The following DOCK8 variants were observed in gnomAD, a reference collection of about 807,000 sequenced individuals.
DOCK8 encodes dedicator of cytokinesis protein 8.
A neutral mutation model predicts 245.6 loss-of-function variants in DOCK8; 141 were observed. The ratio of observed to expected loss-of-function variants is 0.57; its 90% CI spans 0.50 to 0.66. The LOEUF is 0.66. Among genes scored for constraint, DOCK8 ranks in the 30% least tolerant of loss-of-function variants. DOCK8 has a pLI of 0.00. For synonymous variants in DOCK8, 1,168 were observed against 970.2 expected, an observed-to-expected ratio of 1.20 and a Z score of -3.79; for missense variants, 2,965 against 2,603.4, an observed-to-expected ratio of 1.14 and a Z score of -3.02.
chr9:392,037 C>G (rs1564000887), intron 24 of DOCK8, among the ~76,000 whole-genome samples: 1 of 150,846 alleles, frequency 6.6e-6, no homozygotes, highest in Non-Finnish European at 1.5e-5. Flanking sequence ...ACTCAGGAGG[C>G]TGAGGCAGGA....
chr9:292,755 ATTAT>A (rs1487043317), intron 4 of DOCK8, among the ~76,000 whole-genome samples: 1 of 152,122 alleles, frequency 6.6e-6, no homozygotes, highest in East Asian at 1.9e-4. Context: ...AACATTCAGA[ATTAT>A]TTATGTCATT....
At chr9:317,315 T>G (rs901514395) in intron 7 of DOCK8, among the ~76,000 whole-genome samples, 187 bp downstream of exon 7, 1 of 152,190 alleles carries the variant, frequency 6.6e-6, no homozygotes, top group Non-Finnish European at 1.5e-5. Flanking sequence ...TACCAACTTC[T>G]TGATGGTCAT....
intron 1 of DOCK8, among the ~76,000 whole-genome samples, chr9:224,760 A>G (rs1001112183): frequency 5.3e-5 from 8 of 152,088 alleles, no homozygotes; most frequent in Non-Finnish European, 1.0e-4. Context: ...GAGCTCCCTA[A>G]GGGGTACTAG....
At position 399,138 on chromosome 9, in the gene DOCK8, T is replaced by C; in HGVS notation, c.3121-8T>C. ...ACAAAATGATTTGGGTGTTTGTTTG[T>C]TTTTAAGGAAAATGAACAGGCGGAA... On this transcript the variant is annotated splice_polypyrimidine_tract_variant and splice_region_variant and intron_variant, in intron 25 of 47. Transcript: ENST00000432829. The C allele has an allele frequency of 1.2e-6, 2 of 1,613,590 alleles. No homozygotes were observed. Among genetic ancestry groups the C allele is most frequent in the Non-Finnish European group, 1.7e-6 (2 of 1,179,710 alleles).
At chr9:351,316 C>T (rs1206420615) in intron 14 of DOCK8, among the ~76,000 whole-genome samples, 4 of 152,154 alleles carry the variant, frequency 2.6e-5, no homozygotes, top group Non-Finnish European at 2.9e-5. Flanking sequence ...TAGAGTGGCA[C>T]CCTGGTCTTG....
In DOCK8 at chr9:336,702, G is replaced by A. The variant is rs376713152; in HGVS notation, c.1406G>A (p.Ser469Asn). 1.2e-6 allele frequency: 2 copies of A among 1,613,898 alleles called. No homozygotes were observed. The highest frequency in any genetic ancestry group is 2.2e-5 in the East Asian group (1 of 44,886). The change falls in exon 12 of 48, where the codon AGC becomes AAC. Residue 469 changes from serine (S) to asparagine (N), a missense_variant. Ser to Asn is a conservative substitution (Grantham distance 46). Coordinates refer to ENST00000432829, the MANE Select transcript of DOCK8 (RefSeq NM_203447.4). ...TTCAAAACCTCCACTCTGAGCGTTAGCAGCTTTTTCAAGCAGGTATCTCTT... is the reference window on the plus strand; with the variant it reads ...TTCAAAACCTCCACTCTGAGCGTTAACAGCTTTTTCAAGCAGGTATCTCTT... ...SNFKTSTLSV[S>N]SFFKQEGDRL...
At chr9:385,491 C>G (rs942980289) in intron 22 of DOCK8, among the ~76,000 whole-genome samples, 4 of 152,196 alleles carry the variant, frequency 2.6e-5, no homozygotes, top group Non-Finnish European at 4.4e-5. Context: ...AATAATTTCA[C>G]TATATGCTAC....
chr9:362,808 C>A (rs1563965444), intron 14 of DOCK8, among the ~76,000 whole-genome samples: 2 of 152,190 alleles, frequency 1.3e-5, no homozygotes, highest in Admixed American at 6.5e-5. Context: ...CTGTTCGTTT[C>A]CTTGCACCAG....
intron 4 of DOCK8, among the ~76,000 whole-genome samples, chr9:298,945 A>T (rs570688617): frequency 5.9e-5 from 9 of 151,646 alleles, no homozygotes; most frequent in African/African-American, 2.2e-4. Flanking sequence ...GGGAAATTTG[A>T]ATTTTAATTA....
chr9:320,021 G>A (rs2050517649), intron 7 of DOCK8, among the ~76,000 whole-genome samples: 2 of 152,180 alleles, frequency 1.3e-5, no homozygotes, highest in South Asian at 2.1e-4. Flanking sequence ...TCTCAGGTGG[G>A]ATCAAGAAAC....
upstream of DOCK8, chr9:214,268 C>T: frequency 2.0e-6 from 1 of 505,864 alleles, no homozygotes. Flanking sequence ...GCAAGAACGC[C>T]GCCTTCAGTG....
In DOCK8 at chr9:279,023, C is replaced by T. The variant is rs917836220; in HGVS notation, c.156+7294C>T. 2.6e-5 allele frequency among the ~76,000 whole-genome samples: 4 copies of T among 152,040 alleles called. No homozygotes were observed. In the East Asian group the frequency reaches 5.8e-4, roughly 22 times the overall value. ...AGGAAAGCAATACCGGTGCTTTGGA[C>T]GAGGGTGGTGGCAGAAGAGAAAGTG... On this transcript the variant is annotated intron_variant, in intron 2 of 47. Coordinates refer to ENST00000432829, the MANE Select transcript of DOCK8 (RefSeq NM_203447.4).
intron 14 of DOCK8, among the ~76,000 whole-genome samples, chr9:342,535 T>C (rs570008668): frequency 2.1e-4 from 32 of 152,082 alleles, no homozygotes; most frequent in African/African-American, 7.5e-4. Context: ...AGTGACATGA[T>C]CTCGGTTCAC....
At chr9:413,391 GA>G (rs1183341329) in intron 28 of DOCK8, among the ~76,000 whole-genome samples, 1 of 151,530 alleles carries the variant, frequency 6.6e-6, no homozygotes, top group Non-Finnish European at 1.5e-5. Flanking sequence ...TGAGTAACAA[GA>G]AAAAAATAGA....
At chr9:440,030 TTTTTTTGA>T (rs900670044) in intron 40 of DOCK8, among the ~76,000 whole-genome samples, 9 of 152,072 alleles carry the variant, frequency 5.9e-5, no homozygotes, top group African/African-American at 2.2e-4. Flanking sequence ...TTTTCTTTTC[TTTTTTTGA>T]GACAGAGTCT....
At chr9:436,122 A>G (rs1564066993) in intron 39 of DOCK8, among the ~76,000 whole-genome samples, 1 of 152,248 alleles carries the variant, frequency 6.6e-6, no homozygotes, top group Non-Finnish European at 1.5e-5. Flanking sequence ...TGGTGCAGCC[A>G]AGAGCTTCTG....
chr9:436,261 G>T (rs1284586818), intron 39 of DOCK8, among the ~76,000 whole-genome samples: 1 of 152,162 alleles, frequency 6.6e-6, no homozygotes, highest in Non-Finnish European at 1.5e-5. Context: ...TCTTAATTCA[G>T]AAATGTTTGT....
intron 1 of DOCK8, among the ~76,000 whole-genome samples, chr9:216,704 T>C (rs1404537766): frequency 2.0e-5 from 3 of 152,094 alleles, no homozygotes; most frequent in Non-Finnish European, 2.9e-5. Flanking sequence ...TATTATTTGC[T>C]ATAGCTCCTG....
intron 1 of DOCK8, among the ~76,000 whole-genome samples, chr9:253,961 A>G (rs892159369): frequency 1.3e-5 from 2 of 152,254 alleles, no homozygotes; most frequent in African/African-American, 4.8e-5. Context: ...AGCTTTTAAA[A>G]TGCAAAGTAT....
Sources: gnomAD v4.1 joint callset for allele counts (sites outside exome capture counted in the v4.1 genomes callset) on GRCh38, gnomAD v4.1.1 for gene constraint, MANE v1.5 for transcripts, NCBI Gene and HGNC (gene_info 2026-07-23, HGNC 2026-07-21) for gene names.